The following PPP3CC variants were observed in gnomAD, a reference collection of about 807,000 sequenced individuals.
PPP3CC encodes serine/threonine-protein phosphatase 2B catalytic subunit gamma isoform.
A neutral mutation model predicts 60.3 loss-of-function variants in PPP3CC; 35 were observed. That is an observed-to-expected ratio of 0.58 (90% confidence interval 0.44 to 0.77). The LOEUF is 0.77. Ranked by LOEUF, PPP3CC falls within the 30% of genes least tolerant of loss-of-function variation. The pLI is 0.00. For missense variants in PPP3CC, 570 were observed against 628.9 expected (o/e 0.91, Z 1.00); for synonymous variants, 206 against 224.3 (o/e 0.92, Z 0.73).
In PPP3CC at chr8:22,458,106, A is replaced by G. The variant is rs1014619150; in HGVS notation, c.49+16648A>G. ...ATCTCCGTCGCACCAAAAAACAAAA[A>G]AAACAAAAAAAACACACAAAAACAA... On this transcript the variant is annotated intron_variant, in intron 1 of 13. Transcript: ENST00000240139. 2.0e-5 allele frequency among the ~76,000 whole-genome samples: 3 copies of G among 152,154 alleles called. No individual in the cohort carries two copies. In the South Asian group the frequency reaches 6.2e-4, roughly 32 times the overall value.
intron 3 of PPP3CC, among the ~76,000 whole-genome samples, chr8:22,490,501 G>T (rs970384625): frequency 6.2e-4 from 95 of 152,026 alleles, no homozygotes; most frequent in African/African-American, 2.2e-3. Context: ...TGTGCACAAC[G>T]TGCAGGTTTG....
chr8:22,531,678 A>T (rs1839720264), intron 10 of PPP3CC, among the ~76,000 whole-genome samples: 1 of 152,254 alleles, frequency 6.6e-6, no homozygotes, highest in African/African-American at 2.4e-5. Context: ...AATAGTGCAC[A>T]GTTGTAAGTA....
At chr8:22,512,808 G>C (rs185862221) in intron 5 of PPP3CC, among the ~76,000 whole-genome samples, 210 of 152,308 alleles carry the variant, frequency 1.4e-3, no homozygotes, top group Non-Finnish European at 1.7e-3. Flanking sequence ...CGGGCGCGGT[G>C]GTTCACGCCT....
At chr8:22,526,530 CTT>C (rs757648720) in intron 8 of PPP3CC, among the ~76,000 whole-genome samples, 4 of 152,046 alleles carry the variant, frequency 2.6e-5, no homozygotes, top group Non-Finnish European at 5.9e-5. Flanking sequence ...CATTCAATAA[CTT>C]AAATTTTAAG....
intron 3 of PPP3CC, among the ~76,000 whole-genome samples, chr8:22,480,047 T>C (rs1838014636): frequency 6.6e-6 from 1 of 152,166 alleles, no homozygotes; most frequent in Admixed American, 6.5e-5. Context: ...CTTAATGTTA[T>C]CAGCAACCTA....
intron 1 of PPP3CC, among the ~76,000 whole-genome samples, chr8:22,454,019 A>G (rs1431253163): frequency 2.0e-5 from 3 of 152,222 alleles, no homozygotes; most frequent in Admixed American, 6.5e-5. Flanking sequence ...CACTTAGGCT[A>G]TGCTAAATTT....
intron 5 of PPP3CC, among the ~76,000 whole-genome samples, chr8:22,512,852 G>T (rs1390789275): frequency 4.6e-5 from 7 of 152,070 alleles, no homozygotes; most frequent in Admixed American, 2.0e-4. Context: ...CGAGGAGGGC[G>T]GATCACCTGA....
At chr8:22,485,916 T>C (rs1010861990) in intron 3 of PPP3CC, among the ~76,000 whole-genome samples, 3 of 152,114 alleles carry the variant, frequency 2.0e-5, no homozygotes, top group Admixed American at 2.0e-4. Context: ...GTGGGTAAAA[T>C]TAGCCTTAGA....
chr8:22,477,977 A>C lies in PPP3CC; in HGVS notation c.372+2353A>C, dbSNP rs545800441. Among the ~76,000 whole-genome samples, 4 of 152,172 alleles carry C rather than the reference A, an allele frequency of 2.6e-5. No homozygotes were observed. In the East Asian group the frequency reaches 7.7e-4, roughly 29 times the overall value. On this transcript the variant is annotated intron_variant, in intron 3 of 13. Coordinates refer to ENST00000240139, the MANE Select transcript of PPP3CC (RefSeq NM_005605.5). ...ATGATTCTTCTGCCTCAGCCTCCCA[A>C]GTAGTTGGGATTACAGGCACCTGCC...
rs143064387 is a variant in PPP3CC, at chr8:22,515,315, A to T, written c.770+1883A>T. On this transcript the variant is annotated intron_variant, in intron 6 of 13. Coordinates refer to ENST00000240139, the MANE Select transcript of PPP3CC (RefSeq NM_005605.5). ...AAATGACAGGATCTCATTCTTTTCA[A>T]TGGCTGAATAATATTCCACTGTGTA... Among the ~76,000 whole-genome samples the T allele has an allele frequency of 5.5e-4, 84 of 152,312 alleles. 1 individual carries two copies. The highest frequency in any genetic ancestry group is 1.8e-3 in the African/African-American group (75 of 41,554).
chr8:22,512,988 A>G (rs569599289), intron 5 of PPP3CC, among the ~76,000 whole-genome samples: 2 of 152,186 alleles, frequency 1.3e-5, no homozygotes, highest in South Asian at 4.2e-4. Flanking sequence ...AGGCAGGAGA[A>G]TCGCTTGAAC....
At chr8:22,521,263 A>G (rs957936795) in intron 6 of PPP3CC, among the ~76,000 whole-genome samples, 1 of 152,174 alleles carries the variant, frequency 6.6e-6, no homozygotes, top group African/African-American at 2.4e-5. Context: ...TGGCCACAGT[A>G]GAGCAGGGCT....
intron 1 of PPP3CC, among the ~76,000 whole-genome samples, chr8:22,466,240 T>A (rs1837519294): frequency 6.6e-6 from 1 of 152,226 alleles, no homozygotes; most frequent in Non-Finnish European, 1.5e-5. Context: ...CTATCATTGA[T>A]GGACATTTGG....
intron 8 of PPP3CC, among the ~76,000 whole-genome samples, chr8:22,526,800 C>G (rs2117133098): frequency 6.6e-6 from 1 of 152,314 alleles, no homozygotes; most frequent in Non-Finnish European, 1.5e-5. Context: ...TGGCAATACA[C>G]TGCTGTGTAT....
At chr8:22,472,363 A>AACACACACACACACACAC (rs71546810) in intron 1 of PPP3CC, among the ~76,000 whole-genome samples, 2,573 of 125,632 alleles carry the variant, frequency 0.02, 70 homozygotes, top group African/African-American at 0.03. Flanking sequence ...GGTAAAAATG[A>AACACACACACACACACAC]ACACACACAC....
chr8:22,453,691 G>T (rs908621416), intron 1 of PPP3CC, among the ~76,000 whole-genome samples: 1 of 152,186 alleles, frequency 6.6e-6, no homozygotes, highest in Non-Finnish European at 1.5e-5. Context: ...AAACGTAGAT[G>T]TTACACACCT....
At chr8:22,456,963 A>G (rs1435593729) in intron 1 of PPP3CC, among the ~76,000 whole-genome samples, 2 of 150,034 alleles carry the variant, frequency 1.3e-5, no homozygotes, top group African/African-American at 4.9e-5. Flanking sequence ...GCTTAGAATG[A>G]TTCTCAGCTG....
intron 6 of PPP3CC, among the ~76,000 whole-genome samples, chr8:22,520,297 C>G (rs1839370965): frequency 6.6e-6 from 1 of 152,014 alleles, no homozygotes; most frequent in Non-Finnish European, 1.5e-5. Flanking sequence ...TATAATGAGT[C>G]TTGGTGTTTA....
At position 22,536,138 on chromosome 8, in the gene PPP3CC, GTA is replaced by G. The variant is rs760758552; in HGVS notation, c.1321+3123_1321+3124del. On this transcript the variant is annotated intron_variant, in intron 12 of 13. Transcript: ENST00000240139. ...AAGTCTGAACATTTTCTCTTTGGAA[GTA>G]TAGTTTATTTTCCTAGTTCCTTTAG... 9.2e-5 allele frequency among the ~76,000 whole-genome samples: 14 copies of G among 152,336 alleles called. No homozygotes were observed. In the South Asian group the frequency reaches 1.2e-3, roughly 14 times the overall value.
Sources: allele counts gnomAD v4.1 joint callset (sites outside exome capture counted in the v4.1 genomes callset), GRCh38; gene constraint gnomAD v4.1.1; transcripts MANE v1.5; gene names NCBI Gene and HGNC (gene_info 2026-07-23, HGNC 2026-07-21).